The following TLR5 variants were observed in gnomAD, a reference collection of about 807,000 sequenced individuals.
The protein encoded by TLR5 is toll like receptor 5, also known as toll-like receptor 5.
For missense variants in TLR5, 944 were observed against 999.8 expected (o/e 0.94, Z 0.75); for synonymous variants, 373 against 384.4 (o/e 0.97, Z 0.35).
chr1:223,115,297 T>A (rs1376175766), intron 5 of TLR5, among the ~76,000 whole-genome samples: 1 of 152,262 alleles, frequency 6.6e-6, no homozygotes, highest in Non-Finnish European at 1.5e-5. Flanking sequence ...TCACCCAGGC[T>A]GGAGTGCAGC....
In TLR5 at chr1:223,111,382, T is replaced by C. The variant is rs1571722975; in HGVS notation, c.1650A>G (p.Leu550=). ...GGTTCCTGGATATGTCCAGGATCTC[T>C]AAATTAGCAGGTAAATCATTGTGAG... is the stretch of plus-strand genomic sequence containing the variant. ...VLSHNDLPAN[L]EILDISRNQL... Residue 550 remains leucine, a synonymous_variant, in exon 6 of 6, where the codon TTA becomes TTG. Coordinates refer to ENST00000642603, the MANE Select transcript of TLR5 (RefSeq NM_003268.6). 1 of 1,614,178 alleles carries C rather than the reference T, an allele frequency of 6.2e-7. No individual in the cohort carries two copies. The highest frequency in any genetic ancestry group is 2.2e-5 in the East Asian group (1 of 44,878).
At chr1:223,140,972 C>T (rs5744112) in intron 2 of TLR5, among the ~76,000 whole-genome samples, 250 of 152,308 alleles carry the variant, frequency 1.6e-3, no homozygotes, top group African/African-American at 5.7e-3. Flanking sequence ...TCCCAGAGAG[C>T]GGAAGACACT....
chr1:223,140,574 A>G (rs1657799082), intron 2 of TLR5, among the ~76,000 whole-genome samples: 1 of 151,604 alleles, frequency 6.6e-6, no homozygotes, highest in Non-Finnish European at 1.5e-5. Flanking sequence ...CATGGTTAGA[A>G]TGCTATAAGA....
In TLR5 at chr1:223,111,838, G is replaced by A. The variant is rs1388249397; in HGVS notation, c.1194C>T (p.Thr398=). The A allele has an allele frequency of 6.2e-7, 1 of 1,613,664 alleles. No homozygotes were observed. Among genetic ancestry groups the A allele is most frequent in the Admixed American group, 1.7e-5 (1 of 60,004 alleles). The change falls in exon 6 of 6, where the codon ACC becomes ACT. Residue 398 remains threonine, a synonymous_variant. Coordinates refer to ENST00000642603, the MANE Select transcript of TLR5 (RefSeq NM_003268.6). ...TLDLRDNALT[T]IHFIPSIPDI... is the part of the protein sequence containing the mutation. Reference sequence around the variant, plus strand: ...CGGGTATGCTTGGAATAAAATGAATGGTTGTAAGAGCATTGTCTCGGAGAT... The same window carrying A: ...CGGGTATGCTTGGAATAAAATGAATAGTTGTAAGAGCATTGTCTCGGAGAT...
intron 5 of TLR5, among the ~76,000 whole-genome samples, 180 bp from the exon 6 acceptor site, chr1:223,113,215 G>GT (rs960329348): frequency 8.6e-5 from 13 of 151,886 alleles, no homozygotes; most frequent in South Asian, 8.3e-4. Context: ...CTCTATTTCT[G>GT]TTTTTTTTGA....
In TLR5 at chr1:223,131,367, C is replaced by A. The variant is rs139710062; in HGVS notation, c.-5+1108G>T. ...TGGCATCCCATCACTGCCTTGTGCTCGAGATCTAACTTGCCATTCTCAGAG... is the reference window on the plus strand; with the variant it reads ...TGGCATCCCATCACTGCCTTGTGCTAGAGATCTAACTTGCCATTCTCAGAG... On this transcript the variant is annotated intron_variant, in intron 5 of 5. Transcript: ENST00000642603. This position sits in a 1 kb window ranked among gnomAD's most constrained non-coding sequence, Gnocchi z 4.2. Among the ~76,000 whole-genome samples the A allele has an allele frequency of 1.6e-3, 244 of 152,320 alleles. No individual in the cohort carries two copies. The highest frequency in any genetic ancestry group is 5.1e-3 in the African/African-American group (214 of 41,560).
Position 223,112,418 on chromosome 1 carries a change from G to A in TLR5, c.614C>T (p.Ala205Val). The A allele has an allele frequency of 6.2e-7, 1 of 1,614,206 alleles. No homozygotes were observed. Among genetic ancestry groups the A allele is most frequent in the Middle Eastern group, 1.6e-4 (1 of 6,062 alleles). ...TGAGACTCTGCTATACAAGCTATTA[G>A]CTGCGAGGCTAAAAAAGGAGAGCGT... The part of the protein sequence containing the change: ...GKTLSFFSLA[A>V]NSLYSRVSVD... The change falls in exon 6 of 6, where the codon GCT becomes GTT. Residue 205 changes from alanine to valine, a missense_variant. Coordinates refer to ENST00000642603, the MANE Select transcript of TLR5 (RefSeq NM_003268.6).
At chr1:223,121,188 T>G (rs1558125948) in intron 5 of TLR5, among the ~76,000 whole-genome samples, 1 of 152,264 alleles carries the variant, frequency 6.6e-6, no homozygotes, top group African/African-American at 2.4e-5. Context: ...TTTCATCTTC[T>G]AGTTGCACAT....
rs752625433 is a variant in TLR5 at position 223,112,985 on chromosome 1, C to T, written c.47G>A (p.Gly16Asp). The change falls in exon 6 of 6, where the codon GGT becomes GAT. Residue 16 changes from glycine (G) to aspartate (D), a missense_variant. Coordinates refer to ENST00000642603, the MANE Select transcript of TLR5 (RefSeq NM_003268.6). ...DLLLGVVLMA[G>D]PVFGIPSCSF... ...GCAGGAAGGAATTCCAAACACAGGA[C>T]CGGCCATGAGCACCACTCCTAGGAG... The T allele has an allele frequency of 1.2e-6, 2 of 1,614,134 alleles. No homozygotes were observed. The highest frequency in any genetic ancestry group is 3.3e-5 in the Admixed American group (2 of 60,016).
chr1:223,134,242 T>C (rs1657514895), intron 4 of TLR5: 1 of 152,184 alleles, frequency 6.6e-6, no homozygotes, highest in African/African-American at 2.4e-5. Context: ...CAACAGTTCT[T>C]GCTTGCTGAA....
rs763064917 is a variant in TLR5 at position 223,110,924 on chromosome 1, T to A, written c.2108A>T (p.Asp703Val). Residue 703 changes from aspartate to valine, a missense_variant, in exon 6 of 6, where the codon GAC (aspartate) becomes GTC (valine). Asp to Val is a radical substitution (Grantham distance 152). Coordinates refer to ENST00000642603, the MANE Select transcript of TLR5 (RefSeq NM_003268.6). The part of the protein sequence containing the change: ...YDAYLCFSSK[D>V]FTWVQNALLK... The stretch of plus-strand genomic sequence containing the variant: ...CAAAGCATTCTGCACCCATGTGAAG[T>A]CTTTGCTGCTGAAGCACAAATAGGC... 6.2e-7 allele frequency: 1 copy of A among 1,614,260 alleles called. No homozygotes were observed. Among genetic ancestry groups the A allele is most frequent in the South Asian group, 1.1e-5 (1 of 91,086 alleles).
chr1:223,116,928 G>A (rs1458385909), intron 5 of TLR5, among the ~76,000 whole-genome samples: 1 of 152,216 alleles, frequency 6.6e-6, no homozygotes, highest in African/African-American at 2.4e-5. Context: ...AGGGCTAGGG[G>A]CAGAGCTGCC....
intron 5 of TLR5, among the ~76,000 whole-genome samples, chr1:223,118,538 C>A (rs1656790285): frequency 1.4e-5 from 2 of 148,082 alleles, no homozygotes; most frequent in Non-Finnish European, 3.0e-5. Flanking sequence ...CAGAGCAAGA[C>A]TCCATCTCAA....
At chr1:223,117,562 C>CAAAAAAAAAAAAAAA (rs66839180) in intron 5 of TLR5, among the ~76,000 whole-genome samples, 15 of 105,044 alleles carry the variant, frequency 1.4e-4, no homozygotes, top group South Asian at 3.3e-4. Context: ...ATGGTGTTCA[C>CAAAAAAAAAAAAAAA]AAAAAAAAAA....
chr1:223,135,519 A>T (rs1657575685), intron 3 of TLR5, among the ~76,000 whole-genome samples: 1 of 152,226 alleles, frequency 6.6e-6, no homozygotes, highest in African/African-American at 2.4e-5. Flanking sequence ...TATCGGTTCT[A>T]GTCCTCCTTC....
In TLR5 at chr1:223,110,674, A is replaced by T; in HGVS notation, c.2358T>A (p.Ala786=). The T allele has an allele frequency of 6.2e-7, 1 of 1,614,174 alleles. No individual in the cohort carries two copies. Among genetic ancestry groups the T allele is most frequent in the Non-Finnish European group, 8.5e-7 (1 of 1,180,036 alleles). Reference sequence around the variant, plus strand: ...AGGACCCAACCACCACCATGATGAGAGCACTGTTAAGGTCAGATAAGCACC... The same window carrying T: ...AGGACCCAACCACCACCATGATGAGTGCACTGTTAAGGTCAGATAAGCACC... ...QGRCLSDLNS[A]LIMVVVGSLS... The change falls in exon 6 of 6, where the codon GCT becomes GCA. Residue 786 remains alanine, a synonymous_variant. Transcript: ENST00000642603.
At chr1:223,136,544 G>A (rs898349825) in intron 3 of TLR5, among the ~76,000 whole-genome samples, 17 of 152,158 alleles carry the variant, frequency 1.1e-4, no homozygotes, top group African/African-American at 3.9e-4. Flanking sequence ...TCACAGGTTG[G>A]GAAATAAAAG....
rs149592573 is a variant in TLR5 at position 223,112,116 on chromosome 1, G to C, written c.916C>G (p.Arg306Gly). 40 of 1,614,182 alleles carry C rather than the reference G, an allele frequency of 2.5e-5. No homozygotes were observed. In the South Asian group the frequency reaches 4.2e-4, roughly 17 times the overall value. Residue 306 changes from arginine (R) to glycine (G), a missense_variant, in exon 6 of 6, where the codon CGA becomes GGA. Coordinates refer to ENST00000642603, the MANE Select transcript of TLR5 (RefSeq NM_003268.6). ...SHGFVFSLNSRVFETLKDLKV... is the reference protein window; with the variant it reads ...SHGFVFSLNSGVFETLKDLKV... ...AAATCCTTGAGTGTCTCAAAGACTC[G>C]TGAGTTCAGGGAGAAGACAAACCCA...
At position 223,138,393 on chromosome 1, in the gene TLR5, T is replaced by G. The variant is rs2241095; in HGVS notation, c.-438-1130A>C. On this transcript the variant is annotated intron_variant, in intron 2 of 5. Coordinates refer to ENST00000642603, the MANE Select transcript of TLR5 (RefSeq NM_003268.6). ...CCTTAGTTTTTTCCCTATCTTTCTA[T>G]CATTCTATTTTCCAACAGATACTTT... 5.3e-3 allele frequency among the ~76,000 whole-genome samples: 814 copies of G among 152,224 alleles called. 31 individuals carry two copies. In the East Asian group the frequency reaches 0.091, roughly 17 times the overall value.
Sources: gnomAD v4.1 joint callset for allele counts (sites outside exome capture counted in the v4.1 genomes callset) on GRCh38, gnomAD v4.1.1 for gene constraint, Gnocchi (gnomAD v3.1) non-coding constraint, MANE v1.5 for transcripts, NCBI Gene and HGNC (gene_info 2026-07-23, HGNC 2026-07-21) for gene names.